Variants in TMEM117 observed in about 807,000 individuals in gnomAD.
TMEM117 encodes the protein transmembrane protein 117.
In TMEM117, 27 loss-of-function variants were observed where a neutral mutation model predicts 52.4. The ratio of observed to expected loss-of-function variants is 0.51; its 90% CI spans 0.38 to 0.71. The LOEUF (loss-of-function observed/expected upper bound fraction) is 0.71, where lower values mean the gene tolerates loss of function less well. TMEM117 is among the 30% of genes least tolerant of loss of function. The pLI, the probability that TMEM117 is intolerant of heterozygous loss-of-function variation, is 0.00. For synonymous variants in TMEM117, 215 were observed against 206.3 expected (o/e 1.04, Z -0.36); for missense variants, 556 against 630.5 (o/e 0.88, Z 1.26).
At chr12:43,929,825 G>A (rs1184925026) in intron 2 of TMEM117, among the ~76,000 whole-genome samples, 2 of 151,930 alleles carry the variant, frequency 1.3e-5, no homozygotes, top group Non-Finnish European at 2.9e-5. Context: ...CTTTGAACAT[G>A]CTAATTGCAG....
At chr12:44,147,272 A>G (rs1948656659) in intron 4 of TMEM117, among the ~76,000 whole-genome samples, 2 of 152,132 alleles carry the variant, frequency 1.3e-5, no homozygotes, top group Admixed American at 6.5e-5. Flanking sequence ...CACCATTTCC[A>G]GGTATCCACC....
chr12:44,228,419 A>G (rs1592623859), intron 5 of TMEM117, among the ~76,000 whole-genome samples: 2 of 152,164 alleles, frequency 1.3e-5, no homozygotes, highest in African/African-American at 4.8e-5. Flanking sequence ...TATTTGAGGT[A>G]TCGAACATAT....
intron 5 of TMEM117, among the ~76,000 whole-genome samples, chr12:44,271,223 G>A (rs1950441991): frequency 6.6e-6 from 1 of 151,978 alleles, no homozygotes; most frequent in South Asian, 2.1e-4. Context: ...TTTGAAAAGT[G>A]AGTATATGGG....
intron 6 of TMEM117, among the ~76,000 whole-genome samples, chr12:44,322,745 A>C (rs10506244): frequency 0.048 from 7,311 of 152,226 alleles, 363 homozygotes; most frequent in African/African-American, 0.12. Flanking sequence ...GGTTGTAAGA[A>C]TATACTGTAC....
chr12:44,365,751 TTTATTA>T (rs537506360), intron 6 of TMEM117, among the ~76,000 whole-genome samples: 1 of 151,260 alleles, frequency 6.6e-6, no homozygotes, highest in Admixed American at 6.6e-5. Context: ...AGGATTTTCT[TTTATTA>T]TTATTATTAT....
chr12:43,853,896 G>T (rs970742081), intron 2 of TMEM117, among the ~76,000 whole-genome samples: 2 of 152,112 alleles, frequency 1.3e-5, no homozygotes, highest in African/African-American at 4.8e-5. Context: ...ATGATGAAAG[G>T]TATTCCTTAT....
At chr12:44,276,590 T>G (rs1950513580) in intron 5 of TMEM117, among the ~76,000 whole-genome samples, 1 of 152,100 alleles carries the variant, frequency 6.6e-6, no homozygotes. Context: ...CTATAGTTAA[T>G]AACACTATGT....
chr12:44,223,073 G>A (rs1434026735), intron 5 of TMEM117, among the ~76,000 whole-genome samples: 1 of 150,844 alleles, frequency 6.6e-6, no homozygotes, highest in African/African-American at 2.4e-5. Context: ...TTTAAGTTGA[G>A]GGGTACAAGT....
rs142110399 is a variant in TMEM117, at chr12:44,301,728, T to A, written c.768+1989T>A. Among the ~76,000 whole-genome samples, 491 of 152,262 alleles carry A rather than the reference T, an allele frequency of 3.2e-3. 6 individuals are homozygous for A. The highest frequency in any genetic ancestry group is 0.011 in the African/African-American group (437 of 41,550). ...TTTTTGCCTTCTCTTTTTTTTTCTC[T>A]TATTGTAAAATGGCCTTTCCAGGTT... is the stretch of plus-strand genomic sequence containing the variant. On this transcript the variant is annotated intron_variant, in intron 6 of 7. Coordinates refer to ENST00000266534, the MANE Select transcript of TMEM117 (RefSeq NM_032256.3).
chr12:43,901,234 TGA>T (rs1944298745), intron 2 of TMEM117, among the ~76,000 whole-genome samples: 1 of 152,212 alleles, frequency 6.6e-6, no homozygotes, highest in Non-Finnish European at 1.5e-5. Flanking sequence ...TAGTAGCATA[TGA>T]GAGTTATTTT....
At chr12:44,244,502 T>A (rs1427724231) in intron 5 of TMEM117, 1 of 152,082 alleles carries the variant, frequency 6.6e-6, no homozygotes, top group Non-Finnish European at 1.5e-5. Context: ...TTTGTCTTTT[T>A]TGGATAAATG....
In TMEM117 at chr12:44,358,066, A is replaced by C. The variant is rs564529998; in HGVS notation, c.769-18529A>C. Among the ~76,000 whole-genome samples the C allele has an allele frequency of 1.1e-4, 17 of 152,302 alleles. No individual in the cohort carries two copies. The South Asian group carries it at 3.5e-3, about 32-fold the overall frequency. ...GCCATTATCCTAAGTGAATTAACAC[A>C]GGAACAGGAAACCAAATACCACATG... On this transcript the variant is annotated intron_variant, in intron 6 of 7. Coordinates refer to ENST00000266534, the MANE Select transcript of TMEM117 (RefSeq NM_032256.3).
At chr12:44,005,542 G>C (rs1200424490) in intron 3 of TMEM117, among the ~76,000 whole-genome samples, 3 of 152,204 alleles carry the variant, frequency 2.0e-5, no homozygotes, top group Non-Finnish European at 4.4e-5. Context: ...ATTTTGCTCT[G>C]ACACTTCAGG....
intron 4 of TMEM117, among the ~76,000 whole-genome samples, chr12:44,162,070 A>G (rs1211563841): frequency 6.6e-6 from 1 of 152,198 alleles, no homozygotes; most frequent in Non-Finnish European, 1.5e-5. Flanking sequence ...AAGTGAGTTT[A>G]AAGAATGAGA....
At chr12:44,302,166 G>C (rs143600680) in intron 6 of TMEM117, among the ~76,000 whole-genome samples, 1 of 151,780 alleles carries the variant, frequency 6.6e-6, no homozygotes, top group Non-Finnish European at 1.5e-5. Context: ...ACACATCCAC[G>C]TACCATATGC....
intron 3 of TMEM117, among the ~76,000 whole-genome samples, chr12:44,056,602 ACT>A (rs888933205): frequency 1.3e-5 from 2 of 152,084 alleles, no homozygotes; most frequent in Admixed American, 6.5e-5. Context: ...CAAGAACTTG[ACT>A]CTCTCTTTTG....
chr12:44,379,410 T>C (rs1951989207), intron 7 of TMEM117, among the ~76,000 whole-genome samples: 1 of 152,126 alleles, frequency 6.6e-6, no homozygotes, highest in Non-Finnish European at 1.5e-5. Flanking sequence ...GGTTCCACCA[T>C]AAACAAATTA....
chr12:44,076,794 A>T (rs1367375788), intron 3 of TMEM117, among the ~76,000 whole-genome samples: 1 of 152,190 alleles, frequency 6.6e-6, no homozygotes, highest in Admixed American at 6.5e-5. Context: ...TAATGAACTA[A>T]TGGGGGATTT....
At chr12:44,120,649 G>T (rs1038948194) in intron 3 of TMEM117, among the ~76,000 whole-genome samples, 3 of 152,166 alleles carry the variant, frequency 2.0e-5, no homozygotes, top group East Asian at 1.9e-4. Context: ...TTCCTCCCTA[G>T]ATTTGGTGAT....
Sources: allele counts gnomAD v4.1 joint callset (sites outside exome capture counted in the v4.1 genomes callset), GRCh38; gene constraint gnomAD v4.1.1; transcripts MANE v1.5; gene names NCBI Gene and HGNC (gene_info 2026-07-23, HGNC 2026-07-21).